LRRTM4: variants seen among roughly 807,000 people sequenced by gnomAD.
LRRTM4 encodes the protein leucine rich repeat transmembrane neuronal 4.
In LRRTM4, 25 loss-of-function variants were observed where a neutral mutation model predicts 47.6. The ratio of observed to expected loss-of-function variants is 0.53; its 90% CI spans 0.38 to 0.73. The LOEUF is 0.73. LRRTM4 is among the 30% of genes least tolerant of loss of function. The pLI is 0.00. For missense variants in LRRTM4, 638 were observed against 713.4 expected (o/e 0.89, Z 1.20); for synonymous variants, 311 against 269.5 (o/e 1.15, Z -1.51).
intron 3 of LRRTM4, among the ~76,000 whole-genome samples, chr2:77,043,639 G>C (rs1474380802): frequency 6.6e-6 from 1 of 151,700 alleles, no homozygotes; most frequent in Non-Finnish European, 1.5e-5. Flanking sequence ...TATAATATGG[G>C]AACATTTAAT....
chr2:76,914,909 A>G (rs1309540453), intron 3 of LRRTM4, among the ~76,000 whole-genome samples: 7 of 152,218 alleles, frequency 4.6e-5, no homozygotes, highest in Admixed American at 4.6e-4. Flanking sequence ...AAGAGCAGAA[A>G]GAAAATGTCA....
Position 77,204,101 on chromosome 2 carries a change from A to G in LRRTM4, c.1551+314217T>C, listed in dbSNP as rs1480449455. Among the ~76,000 whole-genome samples the G allele has an allele frequency of 3.3e-5, 5 of 152,280 alleles. No homozygotes were observed. The South Asian group carries it at 1.0e-3, about 32-fold the overall frequency. On this transcript the variant is annotated intron_variant, in intron 3 of 3. Transcript: ENST00000409884. ...TAGGTCACCCTTTGTCTACATTGAC[A>G]TGTTACCCATGTTATGAACCAAAGA...
chr2:76,971,925 G>C (rs1388493791), intron 3 of LRRTM4, among the ~76,000 whole-genome samples: 1 of 152,030 alleles, frequency 6.6e-6, no homozygotes. Flanking sequence ...AATGAGGACT[G>C]TTGATCATGG....
At chr2:77,024,094 A>T (rs1558534807) in intron 3 of LRRTM4, among the ~76,000 whole-genome samples, 1 of 152,146 alleles carries the variant, frequency 6.6e-6, no homozygotes. Flanking sequence ...CCCCTGATAA[A>T]ACCATCAGAT....
intron 3 of LRRTM4, among the ~76,000 whole-genome samples, chr2:77,451,461 A>G (rs1676251503): frequency 6.6e-6 from 1 of 152,168 alleles, no homozygotes; most frequent in African/African-American, 2.4e-5. Context: ...GAGACTTAGA[A>G]TACTAAATTA....
At chr2:77,168,254 C>T (rs1292858235) in intron 3 of LRRTM4, among the ~76,000 whole-genome samples, 2 of 151,828 alleles carry the variant, frequency 1.3e-5, no homozygotes, top group Non-Finnish European at 2.9e-5. Flanking sequence ...TTTTTCCTTC[C>T]ATTCTCTATG....
chr2:76,800,220 GACCAAAACAGCATGGTACTGGT>G lies in LRRTM4; in HGVS notation c.1552-51326_1552-51305del, dbSNP rs1228165446. Among the ~76,000 whole-genome samples the G allele has an allele frequency of 7.4e-5, 11 of 147,688 alleles. No individual in the cohort carries two copies. In the South Asian group the frequency reaches 2.4e-3, roughly 32 times the overall value. ...TCAAACTATACTACAAGGCGACAGT[GACCAAAACAGCATGGTACTGGT>G]ACCAAAACAGAGATATAGATCAATG... On this transcript the variant is annotated intron_variant, in intron 3 of 3. Coordinates refer to ENST00000409884, the MANE Select transcript of LRRTM4 (RefSeq NM_001134745.3).
chr2:76,840,897 C>T (rs989787772), intron 3 of LRRTM4, among the ~76,000 whole-genome samples: 3 of 151,798 alleles, frequency 2.0e-5, no homozygotes, highest in Non-Finnish European at 4.4e-5. Flanking sequence ...ACTAGAAATA[C>T]CATTTGACCC....
chr2:76,917,823 G>A (rs1290567489), intron 3 of LRRTM4, among the ~76,000 whole-genome samples: 1 of 152,116 alleles, frequency 6.6e-6, no homozygotes, highest in Non-Finnish European at 1.5e-5. Flanking sequence ...GTAGAAGTAA[G>A]TTATACCTCA....
chr2:77,502,958 G>A (rs1173384911), intron 3 of LRRTM4, among the ~76,000 whole-genome samples: 1 of 151,382 alleles, frequency 6.6e-6, no homozygotes, highest in African/African-American at 2.4e-5. Flanking sequence ...AGCCAGTGCC[G>A]AGAGTAGAGT....
chr2:76,819,449 A>C (rs1348358278), intron 3 of LRRTM4, among the ~76,000 whole-genome samples: 1 of 151,890 alleles, frequency 6.6e-6, no homozygotes, highest in African/African-American at 2.4e-5. Context: ...AGAGCAAGGA[A>C]ACATTCTATA....
chr2:77,499,441 AC>A (rs1417992650), intron 3 of LRRTM4, among the ~76,000 whole-genome samples: 2 of 151,786 alleles, frequency 1.3e-5, no homozygotes, highest in African/African-American at 2.4e-5. Flanking sequence ...GCCCAGCTAC[AC>A]CAGGTGTTAA....
At chr2:76,771,950 A>T (rs981819211) in intron 3 of LRRTM4, among the ~76,000 whole-genome samples, 2 of 152,160 alleles carry the variant, frequency 1.3e-5, no homozygotes, top group African/African-American at 4.8e-5. Context: ...AGGGATAATA[A>T]ACCAAAATAG....
At chr2:76,770,958 T>G (rs1207999135) in intron 3 of LRRTM4, among the ~76,000 whole-genome samples, 1 of 152,220 alleles carries the variant, frequency 6.6e-6, no homozygotes, top group Non-Finnish European at 1.5e-5. Flanking sequence ...CACATGCTCC[T>G]CATTTATACA....
intron 3 of LRRTM4, among the ~76,000 whole-genome samples, chr2:76,893,789 G>C (rs1024320950): frequency 1.3e-5 from 2 of 151,726 alleles, no homozygotes; most frequent in African/African-American, 2.4e-5. Flanking sequence ...AAAAATCAGA[G>C]ACTCATCTAT....
chr2:77,237,602 C>A (rs1247354378), intron 3 of LRRTM4, among the ~76,000 whole-genome samples: 1 of 152,094 alleles, frequency 6.6e-6, no homozygotes, highest in Non-Finnish European at 1.5e-5. Flanking sequence ...TTATTTCCTT[C>A]TGCTAGCTTT....
chr2:76,947,110 G>A (rs984722038), intron 3 of LRRTM4, among the ~76,000 whole-genome samples: 1 of 151,808 alleles, frequency 6.6e-6, no homozygotes, highest in African/African-American at 2.4e-5. Flanking sequence ...GAAAAAAATG[G>A]AGCTCTTAAA....
intron 3 of LRRTM4, among the ~76,000 whole-genome samples, chr2:77,429,271 T>C (rs956173155): frequency 1.8e-4 from 27 of 152,256 alleles, no homozygotes; most frequent in Non-Finnish European, 1.8e-4. Context: ...CTTATAAGAA[T>C]AAGATCTTTT....
intron 3 of LRRTM4, among the ~76,000 whole-genome samples, chr2:77,289,997 CTTT>C (rs1676775527): frequency 6.7e-6 from 1 of 149,742 alleles, no homozygotes; most frequent in Non-Finnish European, 1.5e-5. Flanking sequence ...ATTACTTCTT[CTTT>C]AAGTTTGTTT....
Sources: allele counts gnomAD v4.1 joint callset (sites outside exome capture counted in the v4.1 genomes callset), GRCh38; gene constraint gnomAD v4.1.1; transcripts MANE v1.5; gene names NCBI Gene and HGNC (gene_info 2026-07-23, HGNC 2026-07-21).